Variants in UBE2D3 observed in about 807,000 individuals in gnomAD.
UBE2D3 encodes the protein ubiquitin-conjugating enzyme E2 D3.
UBE2D3 carries 2 observed loss-of-function variants against 22.8 expected under a neutral mutation model. That is an observed-to-expected ratio of 0.09 (90% CI 0.04 to 0.28). The LOEUF (loss-of-function observed/expected upper bound fraction) is 0.28, where lower values mean the gene tolerates loss of function less well. Ranked by LOEUF, UBE2D3 falls within the 10% of genes least tolerant of loss-of-function variation. The pLI is 1.00. For synonymous variants in UBE2D3, 56 were observed against 60.4 expected, an observed-to-expected ratio of 0.93 and a Z score of 0.34; for missense variants, 27 against 182.5, an observed-to-expected ratio of 0.15 and a Z score of 4.91.
At chr4:102,868,566 C>A in intron 1 of UBE2D3, 1 of 945,614 alleles carries the variant, frequency 1.1e-6, no homozygotes, top group Non-Finnish European at 1.7e-6. Context: ...TAAGCCTGGC[C>A]TTTGGGTGAA....
intron 1 of UBE2D3, among the ~76,000 whole-genome samples, chr4:102,859,410 G>A (rs939325807): frequency 5.3e-5 from 8 of 151,890 alleles, no homozygotes; most frequent in African/African-American, 1.9e-4. Context: ...CAGGTAATGT[G>A]CCAGTGTTTT....
In UBE2D3 at chr4:102,845,476, A is replaced by C. The variant is rs184228769; in HGVS notation, c.-128-18840T>G. Among the ~76,000 whole-genome samples, 1,250 of 152,332 alleles carry C rather than the reference A, an allele frequency of 8.2e-3. 68 individuals are homozygous for C. Among genetic ancestry groups the C allele is most frequent in the Admixed American group, 0.072 (1,095 of 15,294 alleles). ...ACAAGTTTGAGAACCCCACTGGATT[A>C]GGGAACAATTCGTTGTATACAGCTG... On this transcript the variant is annotated intron_variant, in intron 1 of 7. Transcript: ENST00000338145.
chr4:102,825,653 T>C, intron 2 of UBE2D3: 2 of 1,013,786 alleles, frequency 2.0e-6, no homozygotes, highest in Non-Finnish European at 2.7e-6. Flanking sequence ...ATCGATAATA[T>C]ACTATCAAAC....
At chr4:102,852,990 A>G (rs1327740527) in intron 1 of UBE2D3, among the ~76,000 whole-genome samples, 1 of 152,140 alleles carries the variant, frequency 6.6e-6, no homozygotes, top group East Asian at 1.9e-4. Context: ...TACTGAGATT[A>G]AACATTTCTG....
At chr4:102,813,738 A>G (rs927030316) in intron 2 of UBE2D3, among the ~76,000 whole-genome samples, 4 of 152,228 alleles carry the variant, frequency 2.6e-5, no homozygotes, top group Non-Finnish European at 5.9e-5. Context: ...TTGGCCAGTA[A>G]CCTGAAAAGT....
chr4:102,831,282 T>C (rs1731101978), upstream of UBE2D3, among the ~76,000 whole-genome samples: 1 of 152,250 alleles, frequency 6.6e-6, no homozygotes, highest in African/African-American at 2.4e-5. Context: ...AATTGATTTC[T>C]ATACTTAACA....
At chr4:102,826,734 G>GGTGGC (rs1324179961) in intron 1 of UBE2D3, 98 bp from the exon 2 acceptor site, 1 of 1,417,686 alleles carries the variant, frequency 7.1e-7, no homozygotes, top group African/African-American at 1.5e-5. Context: ...GGGTGGGTGG[G>GGTGGC]GTGGCGTGGC....
intron 1 of UBE2D3, chr4:102,868,683 AGG>A (rs752767482): frequency 2.5e-4 from 398 of 1,613,702 alleles, no homozygotes; most frequent in Middle Eastern, 1.2e-3. Context: ...GCGGGGCGAG[AGG>A]GGACGAAGTA....
Position 102,797,409 on chromosome 4 carries a change from G to A in UBE2D3, c.*6C>T, listed in dbSNP as rs1421291175. 1.2e-6 allele frequency: 2 copies of A among 1,602,420 alleles called. No individual in the cohort carries two copies. Among genetic ancestry groups the A allele is most frequent in the Admixed American group, 1.7e-5 (1 of 58,858 alleles). Reference sequence around the variant, plus strand: ...TAATGCAGGTTATTCTGACTTTAAGGTAGCATCACATGGCATACTTCTGAG... The same window carrying A: ...TAATGCAGGTTATTCTGACTTTAAGATAGCATCACATGGCATACTTCTGAG... On this transcript the variant is annotated 3_prime_UTR_variant, in exon 8 of 8. Coordinates refer to ENST00000453744, the MANE Select transcript of UBE2D3 (RefSeq NM_181891.3).
In UBE2D3 at chr4:102,858,423, C is replaced by T. The variant is rs912612279; in HGVS notation, c.-129+10292G>A. Among the ~76,000 whole-genome samples the T allele has an allele frequency of 2.7e-4, 41 of 151,876 alleles. 1 individual carries two copies. The highest frequency in any genetic ancestry group is 5.7e-4 in the Non-Finnish European group (39 of 67,916). Reference sequence around the variant, plus strand: ...TGTGATGTTTTTCTTGTCAGAGACACGTGTGATGAACTCTTGGGACATGTT... The same window carrying T: ...TGTGATGTTTTTCTTGTCAGAGACATGTGTGATGAACTCTTGGGACATGTT... On this transcript the variant is annotated intron_variant, in intron 1 of 7. Coordinates refer to the UBE2D3 transcript ENST00000338145.
intron 1 of UBE2D3, among the ~76,000 whole-genome samples, chr4:102,848,722 G>A (rs1400805281): frequency 1.3e-5 from 2 of 152,124 alleles, no homozygotes; most frequent in Non-Finnish European, 2.9e-5. Flanking sequence ...AGGAGGCTGA[G>A]GCAGGAGGAT....
intron 1 of UBE2D3, among the ~76,000 whole-genome samples, chr4:102,839,546 T>G (rs1201123898): frequency 6.6e-6 from 1 of 152,226 alleles, no homozygotes; most frequent in Non-Finnish European, 1.5e-5. Context: ...GTGCCATGAT[T>G]ACAGTGTGAG....
Position 102,837,994 on chromosome 4 carries a change from C to T in UBE2D3, c.-128-11358G>A, listed in dbSNP as rs576834207. Among the ~76,000 whole-genome samples, 10 of 151,966 alleles carry T rather than the reference C, an allele frequency of 6.6e-5. No homozygotes were observed. The South Asian group carries it at 2.1e-3, about 32-fold the overall frequency. On this transcript the variant is annotated intron_variant, in intron 1 of 7. Coordinates refer to the UBE2D3 transcript ENST00000338145. The stretch of plus-strand genomic sequence containing the variant: ...ATTTTTCTAAAATTTTCTAAAATAG[C>T]TGTAGTCTCAGCTATTTGGGAGGCT...
intron 1 of UBE2D3, among the ~76,000 whole-genome samples, chr4:102,865,741 C>T (rs1733119860): frequency 6.6e-6 from 1 of 152,068 alleles, no homozygotes; most frequent in Non-Finnish European, 1.5e-5. Flanking sequence ...TCTTAACGAT[C>T]ATATTTGAAT....
chr4:102,825,656 T>A, intron 2 of UBE2D3: 1 of 972,990 alleles, frequency 1.0e-6, no homozygotes, highest in Non-Finnish European at 1.4e-6. Flanking sequence ...GATAATATAC[T>A]ATCAAACCAC....
At chr4:102,800,793 T>C (rs1726036983) in intron 6 of UBE2D3, among the ~76,000 whole-genome samples, 1 of 152,062 alleles carries the variant, frequency 6.6e-6, no homozygotes, top group South Asian at 2.1e-4. Flanking sequence ...AGCTTTTTTG[T>C]ACTTACTGAA....
upstream of UBE2D3, among the ~76,000 whole-genome samples, chr4:102,829,846 G>A (rs536679704): frequency 3.3e-5 from 5 of 152,286 alleles, no homozygotes; most frequent in Admixed American, 2.6e-4. Flanking sequence ...GGCTGAGGCC[G>A]GAGAATCGCT....
At chr4:102,828,231 G>C (rs1473761097), upstream of UBE2D3, 1 of 985,338 alleles carries the variant, frequency 1.0e-6, no homozygotes, top group Non-Finnish European at 1.2e-6. Context: ...GCCCAATCAG[G>C]AGCGTGTGGT....
chr4:102,853,587 A>G (rs1732484859), intron 1 of UBE2D3, among the ~76,000 whole-genome samples: 1 of 152,214 alleles, frequency 6.6e-6, no homozygotes, highest in South Asian at 2.1e-4. Context: ...ATATATTGTT[A>G]TCTTTATTTT....
Sources: gnomAD v4.1 joint callset for allele counts (sites outside exome capture counted in the v4.1 genomes callset) on GRCh38, gnomAD v4.1.1 for gene constraint, MANE v1.5 for transcripts, NCBI Gene and HGNC (gene_info 2026-07-23, HGNC 2026-07-21) for gene names.